Variants in PACRG observed in about 807,000 individuals in gnomAD.
The protein encoded by PACRG is parkin coregulated gene protein.
PACRG carries 29 observed loss-of-function variants against 29.7 expected under a neutral mutation model. That is an observed-to-expected ratio of 0.98 (90% CI 0.73 to 1.33). The LOEUF is 1.33. Ranked by LOEUF, PACRG falls within the 40% of genes most tolerant of loss-of-function variation. The pLI, the probability that PACRG is intolerant of heterozygous loss-of-function variation, is 0.00. For missense variants in PACRG, 279 were observed against 316.2 expected (o/e 0.88, Z 0.89); for synonymous variants, 116 against 118.7 (o/e 0.98, Z 0.15).
chr6:162,941,124 G>A (rs559135283), intron 2 of PACRG, among the ~76,000 whole-genome samples: 1 of 152,026 alleles, frequency 6.6e-6, no homozygotes, highest in South Asian at 2.1e-4. Context: ...GTGTCCCCAC[G>A]GCTTCTAGCC....
At chr6:163,093,343 GTTCCTACAAAATA>G (rs1048245300) in intron 4 of PACRG, among the ~76,000 whole-genome samples, 3 of 152,166 alleles carry the variant, frequency 2.0e-5, no homozygotes, top group Non-Finnish European at 4.4e-5. Flanking sequence ...AGAAAGGGGA[GTTCCTACAAAATA>G]TTCCTTGGAT....
At chr6:163,118,195 C>G (rs914795711) in intron 4 of PACRG, among the ~76,000 whole-genome samples, 1 of 152,190 alleles carries the variant, frequency 6.6e-6, no homozygotes, top group East Asian at 1.9e-4. Flanking sequence ...TAATACTTGC[C>G]ACCTACCTAC....
chr6:162,783,833 T>G (rs1784266761), intron 1 of PACRG, among the ~76,000 whole-genome samples: 1 of 152,100 alleles, frequency 6.6e-6, no homozygotes. Flanking sequence ...ATAAGTGTAT[T>G]TCTTTTATAT....
At chr6:163,214,775 T>C (rs892113028) in intron 4 of PACRG, among the ~76,000 whole-genome samples, 10 of 152,150 alleles carry the variant, frequency 6.6e-5, no homozygotes, top group African/African-American at 2.4e-4. Context: ...TAGTTATTTC[T>C]CATTTAACAC....
At chr6:163,150,799 C>T (rs983928381) in intron 4 of PACRG, among the ~76,000 whole-genome samples, 1 of 152,112 alleles carries the variant, frequency 6.6e-6, no homozygotes, top group African/African-American at 2.4e-5. Context: ...CACTGAAAGG[C>T]GAGCAGTAGG....
chr6:163,234,568 A>C (rs1191211709), intron 4 of PACRG, among the ~76,000 whole-genome samples: 1 of 152,216 alleles, frequency 6.6e-6, no homozygotes, highest in Non-Finnish European at 1.5e-5. Context: ...CAGCCTCGGC[A>C]TTCCTTTATA....
At chr6:163,138,301 T>C (rs1040958341) in intron 4 of PACRG, among the ~76,000 whole-genome samples, 2 of 152,188 alleles carry the variant, frequency 1.3e-5, no homozygotes, top group African/African-American at 2.4e-5. Flanking sequence ...GAAGAATGTT[T>C]CAGAATGCTC....
chr6:162,939,253 T>C (rs1324613904), intron 2 of PACRG, among the ~76,000 whole-genome samples: 6 of 151,948 alleles, frequency 3.9e-5, no homozygotes, highest in African/African-American at 1.2e-4. Context: ...AAAAATCAAC[T>C]CAAGATGGAT....
chr6:163,244,917 C>A, intron 4 of PACRG: 1 of 311,204 alleles, frequency 3.2e-6, no homozygotes, highest in South Asian at 2.8e-5. Context: ...AAAATTAATT[C>A]CCCGTTATGC....
chr6:163,005,022 T>G (rs1319443999), intron 2 of PACRG, among the ~76,000 whole-genome samples: 2 of 152,020 alleles, frequency 1.3e-5, no homozygotes, highest in African/African-American at 2.4e-5. Context: ...TATTTCTTTT[T>G]GACTATGCTT....
intron 4 of PACRG, chr6:163,185,024 T>C (rs1373502751): frequency 6.6e-6 from 1 of 152,246 alleles, no homozygotes; most frequent in Non-Finnish European, 1.5e-5. Context: ...CCAGGAAGGC[T>C]GAAGCCAGAA....
rs1196298085 is a variant in PACRG at position 162,947,585 on chromosome 6, TATATATAATC to T, written c.292-114557_292-114548del. On this transcript the variant is annotated intron_variant, in intron 2 of 4. Transcript: ENST00000366888. ...ATATATATATACTCATATATAATCA[TATATATAATC>T]ATATATATATATAATCATATATATA... 5.1e-3 allele frequency among the ~76,000 whole-genome samples: 238 copies of T among 46,550 alleles called. 6 individuals are homozygous for T. The highest frequency in any genetic ancestry group is 0.012 in the African/African-American group (216 of 17,292). 30.5% of individuals were successfully genotyped at this position (46,550 alleles called of 152,430 possible). A position where few individuals can be genotyped will look rare whatever the true frequency, so the allele number is the denominator to read the frequency against.
At chr6:162,727,308 G>T (rs1483745280), upstream of PACRG, 4 of 359,404 alleles carry the variant, frequency 1.1e-5, no homozygotes, top group African/African-American at 8.8e-5. Flanking sequence ...GGGCGGCGGC[G>T]GGGCGAAGGT....
chr6:163,102,146 G>T (rs1236563319), intron 4 of PACRG, among the ~76,000 whole-genome samples: 5 of 152,152 alleles, frequency 3.3e-5, no homozygotes, highest in Non-Finnish European at 7.3e-5. Context: ...AAACAAGCAG[G>T]TCTAGAAAAG....
In PACRG at chr6:163,215,526, A is replaced by G. The variant is rs535932946; in HGVS notation, c.614-99301A>G. On this transcript the variant is annotated intron_variant, in intron 4 of 4. Transcript: ENST00000366888. ...TAGAAAGAGGATGTTTTAGGGAAATATGATAATTTTATTTCTAGTTCTGTT... is the reference window on the plus strand; with the variant it reads ...TAGAAAGAGGATGTTTTAGGGAAATGTGATAATTTTATTTCTAGTTCTGTT... 3.9e-5 allele frequency among the ~76,000 whole-genome samples: 6 copies of G among 152,362 alleles called. No individual in the cohort carries two copies. The East Asian group carries it at 9.6e-4, about 25-fold the overall frequency.
At chr6:163,122,592 A>C (rs60030891) in intron 4 of PACRG, among the ~76,000 whole-genome samples, 3,869 of 152,222 alleles carry the variant, frequency 0.025, 151 homozygotes, top group African/African-American at 0.088. Context: ...CCTTCGCAAC[A>C]GCTCCCCTTC....
At chr6:163,080,289 T>A (rs1208986482) in intron 3 of PACRG, among the ~76,000 whole-genome samples, 1 of 152,144 alleles carries the variant, frequency 6.6e-6, no homozygotes, top group African/African-American at 2.4e-5. Flanking sequence ...GGTCACCTTT[T>A]CAGTTTTCAC....
chr6:163,130,734 C>G (rs1384268932), intron 4 of PACRG, among the ~76,000 whole-genome samples: 1 of 152,176 alleles, frequency 6.6e-6, no homozygotes, highest in Non-Finnish European at 1.5e-5. Context: ...CCAGGCTCAG[C>G]AAGCAGGTCC....
At chr6:162,843,625 GT>G (rs1184213870) in intron 2 of PACRG, among the ~76,000 whole-genome samples, 1 of 133,018 alleles carries the variant, frequency 7.5e-6, no homozygotes, top group Non-Finnish European at 1.6e-5. Flanking sequence ...ATCCAGCTTT[GT>G]TCCGTTGCTG....
Sources: allele counts gnomAD v4.1 joint callset (sites outside exome capture counted in the v4.1 genomes callset), GRCh38; gene constraint gnomAD v4.1.1; transcripts MANE v1.5; gene names NCBI Gene and HGNC (gene_info 2026-07-23, HGNC 2026-07-21).